Variants in AR observed in about 807,000 individuals in gnomAD.
AR encodes androgen receptor.
In AR, 8 loss-of-function variants were observed where a neutral mutation model predicts 53.9. The observed-to-expected ratio is 0.15, with a 90% CI of 0.09 to 0.27. The LOEUF (loss-of-function observed/expected upper bound fraction) is 0.27. Among genes scored for constraint, AR ranks in the 10% least tolerant of loss-of-function variants. The pLI, the probability that AR is intolerant of heterozygous loss-of-function variation, is 1.00. For missense variants in AR, 639 were observed against 742.5 expected (o/e 0.86, Z 1.62); for synonymous variants, 359 against 316.4 (o/e 1.13, Z -1.43).
At chrX:67,619,357 G>T (rs1411595085) in intron 1 of AR, among the ~76,000 whole-genome samples, 1 of 110,346 alleles carries the variant, frequency 9.1e-6, no homozygotes, top group Non-Finnish European at 1.9e-5. Flanking sequence ...GTGTGTAATT[G>T]TAGGAACTAT....
At chrX:67,670,870 G>A (rs2147476740) in intron 2 of AR, among the ~76,000 whole-genome samples, 1 of 111,016 alleles carries the variant, frequency 9.0e-6, no homozygotes, top group Non-Finnish European at 1.9e-5. Flanking sequence ...CTGTTCTTGT[G>A]TTTTAGTTTG....
At chrX:67,569,005 G>T (rs1445625346) in intron 1 of AR, 1 of 1,208,567 alleles carries the variant, frequency 8.3e-7, no homozygotes, top group Non-Finnish European at 1.1e-6. Flanking sequence ...TTTTTCCCAT[G>T]ATACTCTGGC....
intron 3 of AR, among the ~76,000 whole-genome samples, chrX:67,704,182 A>G (rs1320100587): frequency 8.9e-6 from 1 of 111,808 alleles, no homozygotes; most frequent in Non-Finnish European, 1.9e-5. Context: ...GGCTGGGTGC[A>G]ATGGTATTTC....
At chrX:67,632,702 A>T (rs1428801599) in intron 1 of AR, among the ~76,000 whole-genome samples, 1 of 112,474 alleles carries the variant, frequency 8.9e-6, no homozygotes, top group Non-Finnish European at 1.9e-5. Flanking sequence ...CAAATTTGAA[A>T]TTTTTGTGCT....
At chrX:67,637,007 A>G (rs1326193221) in intron 1 of AR, among the ~76,000 whole-genome samples, 2 of 111,775 alleles carry the variant, frequency 1.8e-5, no homozygotes, top group East Asian at 5.6e-4. Flanking sequence ...TTTGTCTTTC[A>G]TTGATTGTAA....
At chrX:67,614,943 A>G (rs898878032) in intron 1 of AR, among the ~76,000 whole-genome samples, 3 of 111,196 alleles carry the variant, frequency 2.7e-5, no homozygotes, top group Non-Finnish European at 5.7e-5. Context: ...AATTATAATA[A>G]CTGAAATGAA....
intron 1 of AR, among the ~76,000 whole-genome samples, chrX:67,550,815 A>T (rs1929964142): frequency 9.2e-6 from 1 of 108,873 alleles, no homozygotes; most frequent in Admixed American, 9.8e-5. Context: ...CACTCCTTTC[A>T]TGTTTTTGAC....
chrX:67,626,523 C>T, intron 1 of AR, among the ~76,000 whole-genome samples: 1 of 89,469 alleles, frequency 1.1e-5, no homozygotes, highest in East Asian at 3.6e-4. Flanking sequence ...TCACTGCAAG[C>T]TCCGCCTCCC....
chrX:67,667,875 G>A (rs930271006), intron 2 of AR, among the ~76,000 whole-genome samples: 1 of 110,848 alleles, frequency 9.0e-6, no homozygotes, highest in African/African-American at 3.3e-5. Context: ...GTTCACTGTT[G>A]GCATACAGAA....
In AR at chrX:67,726,606, A is replaced by G. The variant is rs1474040486; in HGVS notation, c.*2765A>G. 3 of 174,719 alleles carry G rather than the reference A, an allele frequency of 1.7e-5. No homozygotes were observed. Among genetic ancestry groups the G allele is most frequent in the Non-Finnish European group, 3.3e-5 (3 of 91,650 alleles). The allele number at this position is 174,719 out of a possible 1,213,427, so 14.4% of individuals were successfully genotyped here. A position where few individuals can be genotyped will look rare whatever the true frequency, so the allele number is the denominator to read the frequency against. ...TAAAAGCAACAACTGGATTACTCCA[A>G]ATTTCCAAATGACAAAACTAGGGAA... On this transcript the variant is annotated 3_prime_UTR_variant, in exon 8 of 8. Coordinates refer to ENST00000374690, the MANE Select transcript of AR (RefSeq NM_000044.6).
At chrX:67,696,915 A>AT (rs1169901133) in intron 3 of AR, among the ~76,000 whole-genome samples, 2 of 111,831 alleles carry the variant, frequency 1.8e-5, no homozygotes, top group South Asian at 3.8e-4. Flanking sequence ...CTGCTCTACC[A>AT]TTATCTAGCT....
chrX:67,723,065 A>C, intron 7 of AR, 81 bp downstream of exon 7: 4 of 1,121,831 alleles, frequency 3.6e-6, no homozygotes, highest in Non-Finnish European at 4.9e-6. Flanking sequence ...AGAGTCTGGC[A>C]CCACCTGTTG....
At chrX:67,719,445 A>C (rs1282393761) in intron 5 of AR, among the ~76,000 whole-genome samples, 1 of 111,504 alleles carries the variant, frequency 9.0e-6, no homozygotes, top group Non-Finnish European at 1.9e-5. Context: ...CTAAGTAAGC[A>C]TGTGGCATCC....
At chrX:67,612,092 C>A (rs1266272586) in intron 1 of AR, among the ~76,000 whole-genome samples, 1 of 112,003 alleles carries the variant, frequency 8.9e-6, no homozygotes, top group Non-Finnish European at 1.9e-5. Context: ...GGAGCATATT[C>A]ATTTGTGTTT....
chrX:67,631,434 G>T (rs1394500744), intron 1 of AR, among the ~76,000 whole-genome samples: 8 of 111,569 alleles, frequency 7.2e-5, no homozygotes, highest in Non-Finnish European at 1.1e-4. Flanking sequence ...GATCGCATTG[G>T]CTCCTGAGGT....
intron 1 of AR, among the ~76,000 whole-genome samples, chrX:67,606,865 T>C (rs1923650605): frequency 9.0e-6 from 1 of 111,584 alleles, no homozygotes; most frequent in African/African-American, 3.3e-5. Context: ...CACTGAACAG[T>C]AGTTGAGCGA....
At chrX:67,645,318 C>G (rs1452624302) in intron 2 of AR, among the ~76,000 whole-genome samples, 1 of 111,771 alleles carries the variant, frequency 8.9e-6, no homozygotes, top group East Asian at 2.8e-4. Context: ...TCATATCATA[C>G]ATCCCACATG....
At chrX:67,688,344 C>A (rs912136314) in intron 3 of AR, among the ~76,000 whole-genome samples, 2 of 111,691 alleles carry the variant, frequency 1.8e-5, no homozygotes, top group South Asian at 7.6e-4. Context: ...TCAATTTCCT[C>A]ATCTCTGATT....
chrX:67,572,650 A>G (rs1463953048), intron 1 of AR, among the ~76,000 whole-genome samples: 1 of 111,450 alleles, frequency 9.0e-6, no homozygotes, highest in Non-Finnish European at 1.9e-5. Context: ...TCTATGAACT[A>G]TCAATTCCGT....
Sources: allele counts gnomAD v4.1 joint callset (sites outside exome capture counted in the v4.1 genomes callset), GRCh38; gene constraint gnomAD v4.1.1; transcripts MANE v1.5; gene names NCBI Gene and HGNC (gene_info 2026-07-23, HGNC 2026-07-21).